The following EVL variants were observed in gnomAD, a reference collection of about 807,000 sequenced individuals.
EVL encodes the protein Enah/Vasp-like.
Under a neutral mutation model 59.6 loss-of-function variants are expected in EVL, and 21 were observed. That is an observed-to-expected ratio of 0.35 (90% confidence interval 0.25 to 0.51). EVL has a LOEUF of 0.51. EVL is among the 20% of genes least tolerant of loss of function. The pLI, the probability that EVL is intolerant of heterozygous loss-of-function variation, is 0.97. For missense variants in EVL, 462 were observed against 546.6 expected, an observed-to-expected ratio of 0.85 and a Z score of 1.54; for synonymous variants, 198 against 203.5, an observed-to-expected ratio of 0.97 and a Z score of 0.23.
chr14:100,018,871 G>A (rs2061074715), intron 1 of EVL, among the ~76,000 whole-genome samples: 1 of 152,090 alleles, frequency 6.6e-6, no homozygotes, highest in African/African-American at 2.4e-5. Context: ...TTTCTTTTGG[G>A]GGCTGGCATC....
At chr14:99,987,409 AG>A (rs1169613222) in intron 1 of EVL, among the ~76,000 whole-genome samples, 1 of 152,222 alleles carries the variant, frequency 6.6e-6, no homozygotes, top group African/African-American at 2.4e-5. Context: ...TGGGAGGCCA[AG>A]GCAGGTGGAT....
intron 1 of EVL, among the ~76,000 whole-genome samples, chr14:100,006,014 C>G (rs866398742): frequency 0.047 from 7,026 of 149,828 alleles, 641 homozygotes; most frequent in African/African-American, 0.16. Context: ...CCATTTCCCC[C>G]CCCCCCCCCA....
intron 1 of EVL, among the ~76,000 whole-genome samples, chr14:100,028,265 GCTGT>G (rs2061253714): frequency 6.6e-6 from 1 of 151,468 alleles, no homozygotes; most frequent in Non-Finnish European, 1.5e-5. Context: ...TCACTTATTG[GCTGT>G]CTTTTTGATA....
chr14:100,032,763 T>A (rs1394427482), intron 1 of EVL, among the ~76,000 whole-genome samples: 1 of 152,164 alleles, frequency 6.6e-6, no homozygotes, highest in Non-Finnish European at 1.5e-5. Flanking sequence ...ATTTCTCTTT[T>A]TTCTGAACTC....
chr14:100,116,607 A>G (rs1595209512), intron 3 of EVL, among the ~76,000 whole-genome samples: 1 of 152,144 alleles, frequency 6.6e-6, no homozygotes, highest in Non-Finnish European at 1.5e-5. Flanking sequence ...GTATAAATTA[A>G]TGCATTACCT....
intron 1 of EVL, among the ~76,000 whole-genome samples, chr14:100,004,418 TAA>T (rs2140187269): frequency 6.6e-6 from 1 of 152,322 alleles, no homozygotes; most frequent in African/African-American, 2.4e-5. Flanking sequence ...TATCATTTAT[TAA>T]GAGTAAATCA....
At chr14:100,020,307 CCT>C (rs2061098814) in intron 1 of EVL, among the ~76,000 whole-genome samples, 1 of 151,994 alleles carries the variant, frequency 6.6e-6, no homozygotes, top group South Asian at 2.1e-4. Context: ...AATCTTACTC[CCT>C]CTCTTCTCCA....
At chr14:99,980,619 C>G (rs894462442) in intron 1 of EVL, among the ~76,000 whole-genome samples, 1 of 151,900 alleles carries the variant, frequency 6.6e-6, no homozygotes. Context: ...TTAGCCTATA[C>G]TAGCTATCAC....
chr14:100,084,030 A>G (rs1466283164), intron 1 of EVL, among the ~76,000 whole-genome samples: 1 of 151,344 alleles, frequency 6.6e-6, no homozygotes, highest in African/African-American at 2.4e-5. Flanking sequence ...AGATGCTTTA[A>G]TAATGCATTC....
At chr14:100,014,173 C>T (rs181303039) in intron 1 of EVL, among the ~76,000 whole-genome samples, 1 of 152,122 alleles carries the variant, frequency 6.6e-6, no homozygotes, top group East Asian at 1.9e-4. Context: ...TATGATCAGT[C>T]CCCTGCCCAT....
chr14:100,026,200 A>G (rs1172507504), intron 1 of EVL, among the ~76,000 whole-genome samples: 2 of 151,338 alleles, frequency 1.3e-5, no homozygotes, highest in East Asian at 1.9e-4. Context: ...GCAGTGAGCC[A>G]AGATCATGCC....
At position 100,109,318 on chromosome 14, in the gene EVL, C is replaced by T; in HGVS notation, c.358+11660C>T. On this transcript the variant is annotated intron_variant, in intron 3 of 13. Transcript: ENST00000392920. This position sits in a 1 kb window ranked among gnomAD's most constrained non-coding sequence, Gnocchi z 4.3. ...TCTCCATACTCCTGGTCACCTTCTG[C>T]TCATCCTTTGCCCTGCTGTTGTGAA... 2.8e-6 allele frequency: 1 copy of T among 351,206 alleles called. No homozygotes were observed. The highest frequency in any genetic ancestry group is 5.6e-6 in the Non-Finnish European group (1 of 178,176). The allele number at this position is 351,206 out of a possible 1,614,324, so 21.8% of individuals were successfully genotyped here.
chr14:100,090,296 G>A lies in EVL; in HGVS notation c.180+5441G>A, dbSNP rs114100881. On this transcript the variant is annotated intron_variant, in intron 2 of 13. Transcript: ENST00000392920. ...ACAGATCCTATAAACTAAAAACATA[G>A]AATATCGTTAGTAATAACCTTGTGC... Among the ~76,000 whole-genome samples the A allele has an allele frequency of 5.4e-3, 821 of 152,214 alleles. 7 individuals are homozygous for A. Among genetic ancestry groups the A allele is most frequent in the African/African-American group, 0.019 (772 of 41,546 alleles).
chr14:100,022,867 G>C (rs1407551456), intron 1 of EVL, among the ~76,000 whole-genome samples: 3 of 152,178 alleles, frequency 2.0e-5, no homozygotes, highest in Admixed American at 6.5e-5. Context: ...TGGTTCAGGA[G>C]AACGTGTGGA....
At chr14:100,094,504 G>A (rs1885665995) in intron 2 of EVL, among the ~76,000 whole-genome samples, 1 of 152,240 alleles carries the variant, frequency 6.6e-6, no homozygotes, top group Non-Finnish European at 1.5e-5. Flanking sequence ...CACTTTGGGA[G>A]GCCAAGGCGG....
At chr14:99,984,778 T>C (rs1016345514) in intron 1 of EVL, among the ~76,000 whole-genome samples, 1 of 152,040 alleles carries the variant, frequency 6.6e-6, no homozygotes, top group African/African-American at 2.4e-5. Flanking sequence ...CACACCCGGC[T>C]AATTTTTTTG....
In EVL at chr14:99,997,527, G is replaced by A. The variant is rs114940510; in HGVS notation, c.5+25470G>A. On this transcript the variant is annotated intron_variant, in intron 1 of 13. Coordinates refer to the EVL transcript ENST00000402714. ...TTGATTCTGGGAGAGGAAAAGATTA[G>A]GACAAGAAAGGTATGGGGAGGGCCG... 4.4e-3 allele frequency among the ~76,000 whole-genome samples: 668 copies of A among 152,326 alleles called. 4 individuals carry two copies. The highest frequency in any genetic ancestry group is 0.015 in the African/African-American group (637 of 41,568).
At chr14:100,006,173 A>G (rs751814169) in intron 1 of EVL, among the ~76,000 whole-genome samples, 4 of 152,186 alleles carry the variant, frequency 2.6e-5, no homozygotes, top group Non-Finnish European at 5.9e-5. Context: ...AAACAACAAC[A>G]AAAACAGAAA....
chr14:100,107,912 A>G (rs144864279), intron 3 of EVL: 56 of 152,356 alleles, frequency 3.7e-4, no homozygotes, highest in Non-Finnish European at 7.6e-4. Context: ...CTCTGAAGAA[A>G]AGAAAAAGGA....
Sources: gnomAD v4.1 joint callset for allele counts (sites outside exome capture counted in the v4.1 genomes callset) on GRCh38, gnomAD v4.1.1 for gene constraint, Gnocchi (gnomAD v3.1) non-coding constraint, MANE v1.5 for transcripts, NCBI Gene and HGNC (gene_info 2026-07-23, HGNC 2026-07-21) for gene names.